MAST4: variants seen among roughly 807,000 people sequenced by gnomAD.
MAST4 encodes the protein microtubule associated serine/threonine kinase family member 4, also known as microtubule-associated serine/threonine-protein kinase 4.
Under a neutral mutation model 162.7 loss-of-function variants are expected in MAST4, and 89 were observed. The ratio of observed to expected loss-of-function variants is 0.55; its 90% CI spans 0.46 to 0.65. The LOEUF (loss-of-function observed/expected upper bound fraction) is 0.65, where lower values mean the gene tolerates loss of function less well. Ranked by LOEUF, MAST4 falls within the 30% of genes least tolerant of loss-of-function variation. The pLI is 0.00. For synonymous variants in MAST4, 1,479 were observed against 1,361.1 expected (o/e 1.09, Z -1.91); for missense variants, 3,153 against 3,374.0 (o/e 0.93, Z 1.62).
chr5:66,752,714 C>T (rs2149596954), intron 1 of MAST4, among the ~76,000 whole-genome samples: 1 of 147,626 alleles, frequency 6.8e-6, no homozygotes, highest in East Asian at 2.0e-4. Flanking sequence ...TAACACCCCA[C>T]TGTCAACATT....
intron 3 of MAST4, among the ~76,000 whole-genome samples, chr5:66,898,545 A>G (rs999319508): frequency 1.3e-5 from 2 of 152,188 alleles, no homozygotes; most frequent in Non-Finnish European, 2.9e-5. Context: ...AGAATCAGGG[A>G]GCCAAGTTCA....
At chr5:66,684,430 A>G (rs1288587433) in intron 1 of MAST4, among the ~76,000 whole-genome samples, 2 of 152,162 alleles carry the variant, frequency 1.3e-5, no homozygotes, top group Non-Finnish European at 2.9e-5. Context: ...GCAGTTACCA[A>G]TTAAGTAGAA....
At chr5:66,672,588 C>T in intron 1 of MAST4, among the ~76,000 whole-genome samples, 1 of 152,172 alleles carries the variant, frequency 6.6e-6, no homozygotes, top group East Asian at 1.9e-4. Context: ...TTATGTAAAT[C>T]ACCATGTTTC....
intron 4 of MAST4, chr5:66,917,237 A>G (rs1262634405): frequency 2.1e-6 from 1 of 473,196 alleles, no homozygotes; most frequent in East Asian, 3.2e-5. Context: ...CTTCATTTAC[A>G]TTTCTCTTTT....
intron 4 of MAST4, among the ~76,000 whole-genome samples, chr5:66,958,078 C>T (rs985434442): frequency 6.6e-6 from 1 of 152,046 alleles, no homozygotes; most frequent in East Asian, 1.9e-4. Context: ...CTTGAATATA[C>T]TTGCTATTTT....
At chr5:66,604,490 G>A (rs1742752597) in intron 1 of MAST4, among the ~76,000 whole-genome samples, 1 of 152,176 alleles carries the variant, frequency 6.6e-6, no homozygotes, top group African/African-American at 2.4e-5. Context: ...AATTTTATAG[G>A]CTATCATGTG....
intron 18 of MAST4, 129 bp downstream of exon 18, chr5:67,134,817 C>T (rs532662721): frequency 1.4e-6 from 1 of 730,074 alleles, no homozygotes; most frequent in Non-Finnish European, 2.2e-6. Flanking sequence ...AACAAAAGAA[C>T]TCACTCATCA....
intron 4 of MAST4, among the ~76,000 whole-genome samples, chr5:66,997,394 G>A (rs1034789740): frequency 3.3e-5 from 5 of 149,716 alleles, no homozygotes; most frequent in African/African-American, 1.2e-4. Context: ...AGTGAAACAG[G>A]TAAATTGATA....
chr5:66,653,598 GTC>G (rs1290670784), intron 1 of MAST4, among the ~76,000 whole-genome samples: 30 of 152,176 alleles, frequency 2.0e-4, no homozygotes, highest in African/African-American at 6.8e-4. Context: ...AGCAGCATGA[GTC>G]TCACATGTGT....
intron 1 of MAST4, among the ~76,000 whole-genome samples, chr5:66,721,182 GC>G (rs1348936137): frequency 1.3e-5 from 2 of 151,984 alleles, no homozygotes; most frequent in East Asian, 3.9e-4. Context: ...AGCTTCTCTT[GC>G]CCCCACTTTC....
intron 1 of MAST4, among the ~76,000 whole-genome samples, chr5:66,707,784 T>G (rs1432322472): frequency 6.6e-6 from 1 of 152,038 alleles, no homozygotes; most frequent in Non-Finnish European, 1.5e-5. Flanking sequence ...CTAATAACAG[T>G]GGGAAAATGT....
chr5:67,145,511 A>C lies in MAST4; in HGVS notation c.3094+132A>C. On this transcript the variant is annotated intron_variant, in intron 23 of 28. Coordinates refer to ENST00000403625, the MANE Select transcript of MAST4 (RefSeq NM_001164664.2). ...GCTGCTAGACTTTCTCCATGGCCTCAGTCCTTAGGCTTGGGACACGATCTT... is the reference window on the plus strand; with the variant it reads ...GCTGCTAGACTTTCTCCATGGCCTCCGTCCTTAGGCTTGGGACACGATCTT... 8 of 693,700 alleles carry C rather than the reference A, an allele frequency of 1.2e-5. 1 individual carries two copies. The South Asian group carries it at 1.5e-4, about 13-fold the overall frequency. 43.0% of individuals were successfully genotyped at this position (693,700 alleles called of 1,614,324 possible). A position where few individuals can be genotyped will look rare whatever the true frequency, so the allele number is the denominator to read the frequency against.
chr5:67,026,902 A>G (rs1162800836), intron 4 of MAST4, among the ~76,000 whole-genome samples: 2 of 152,168 alleles, frequency 1.3e-5, no homozygotes, highest in Non-Finnish European at 2.9e-5. Flanking sequence ...CTTAATGCAG[A>G]TGAAAGAGAA....
intron 1 of MAST4, among the ~76,000 whole-genome samples, chr5:66,645,386 GA>G (rs1402971828): frequency 1.3e-5 from 2 of 152,126 alleles, no homozygotes; most frequent in African/African-American, 4.8e-5. Flanking sequence ...AGTGGATGGG[GA>G]AAAAGTTATT....
intron 19 of MAST4, among the ~76,000 whole-genome samples, chr5:67,138,654 G>A (rs1178006247): frequency 6.6e-6 from 1 of 152,112 alleles, no homozygotes; most frequent in African/African-American, 2.4e-5. Context: ...GGCTGGTCTT[G>A]AACTCCTGGC....
intron 1 of MAST4, among the ~76,000 whole-genome samples, chr5:66,649,585 C>G (rs1746082386): frequency 6.6e-6 from 1 of 152,146 alleles, no homozygotes; most frequent in East Asian, 1.9e-4. Flanking sequence ...ACTATTGGAG[C>G]ATTCTCTGCT....
chr5:66,984,241 G>A (rs2150250027), intron 4 of MAST4, among the ~76,000 whole-genome samples: 1 of 152,282 alleles, frequency 6.6e-6, no homozygotes, highest in Middle Eastern at 3.4e-3. Context: ...GGAACTAAAT[G>A]ACCAGAAGGC....
rs143862042 is a variant in MAST4, at chr5:66,609,918, T to G, written c.363+12900T>G. ...ATATCTGTGCTTTAGTTTCCTTTAG[T>G]GCCACTACAAAGTACCACACATTAG... On this transcript the variant is annotated intron_variant, in intron 1 of 28. Transcript: ENST00000403625. Among the ~76,000 whole-genome samples, 488 of 152,152 alleles carry G rather than the reference T, an allele frequency of 3.2e-3. 2 individuals are homozygous for G. Among genetic ancestry groups the G allele is most frequent in the African/African-American group, 0.011 (461 of 41,508 alleles).
At chr5:67,065,966 G>T (rs1760180655) in intron 5 of MAST4, among the ~76,000 whole-genome samples, 1 of 152,108 alleles carries the variant, frequency 6.6e-6, no homozygotes, top group South Asian at 2.1e-4. Flanking sequence ...GAGGGTTCAA[G>T]CCTGGGGAGG....
Sources: allele counts gnomAD v4.1 joint callset (sites outside exome capture counted in the v4.1 genomes callset), GRCh38; gene constraint gnomAD v4.1.1; transcripts MANE v1.5; gene names NCBI Gene and HGNC (gene_info 2026-07-23, HGNC 2026-07-21).